EPSTI1: variants seen among roughly 807,000 people sequenced by gnomAD.
EPSTI1 encodes epithelial stromal interaction 1.
In EPSTI1, 66 loss-of-function variants were observed where a neutral mutation model predicts 49.9. That is an observed-to-expected ratio of 1.32 (90% CI 1.08 to 1.62). EPSTI1 has a LOEUF of 1.62. Among genes scored for constraint, EPSTI1 ranks in the 40% most tolerant of loss-of-function variants. EPSTI1 has a pLI of 0.00. For synonymous variants in EPSTI1, 137 were observed against 130.7 expected, an observed-to-expected ratio of 1.05 and a Z score of -0.33; for missense variants, 394 against 365.5, an observed-to-expected ratio of 1.08 and a Z score of -0.64.
At chr13:42,956,650 T>C (rs1358036529) in intron 5 of EPSTI1, among the ~76,000 whole-genome samples, 1 of 152,174 alleles carries the variant, frequency 6.6e-6, no homozygotes, top group Non-Finnish European at 1.5e-5. Flanking sequence ...CCCACAGAAT[T>C]GACCGCCTGG....
chr13:42,985,627 T>C (rs1318534686), intron 1 of EPSTI1, among the ~76,000 whole-genome samples: 1 of 152,170 alleles, frequency 6.6e-6, no homozygotes, highest in Non-Finnish European at 1.5e-5. Context: ...GACACGAATA[T>C]GGGGAGTCTT....
At chr13:42,923,159 C>T (rs980834429) in intron 7 of EPSTI1, among the ~76,000 whole-genome samples, 1 of 152,180 alleles carries the variant, frequency 6.6e-6, no homozygotes, top group African/African-American at 2.4e-5. Flanking sequence ...TGTGCCTAAG[C>T]TAAGACATTT....
intron 10 of EPSTI1, among the ~76,000 whole-genome samples, chr13:42,890,286 T>TTTTC (rs2036991664): frequency 7.4e-6 from 1 of 135,490 alleles, no homozygotes; most frequent in African/African-American, 2.7e-5. Flanking sequence ...TTAAGAATTT[T>TTTTC]TTTTCTTTTC....
chr13:42,899,069 G>A (rs1431214308), intron 9 of EPSTI1, among the ~76,000 whole-genome samples: 12 of 151,760 alleles, frequency 7.9e-5, no homozygotes, highest in East Asian at 3.9e-4. Flanking sequence ...ATGGTGGCAC[G>A]TGCCTGTAAT....
chr13:42,923,295 T>C (rs1326538929), intron 7 of EPSTI1, among the ~76,000 whole-genome samples: 1 of 152,180 alleles, frequency 6.6e-6, no homozygotes, highest in Non-Finnish European at 1.5e-5. Context: ...GTGCGGTGGC[T>C]CACACCTGTA....
At chr13:42,991,956 G>A in intron 1 of EPSTI1, 22 bp downstream of exon 1, 3 of 1,612,484 alleles carry the variant, frequency 1.9e-6, no homozygotes, top group Non-Finnish European at 2.5e-6. Context: ...CCGCCCCGAA[G>A]CCAGGTTGTT....
intron 5 of EPSTI1, among the ~76,000 whole-genome samples, chr13:42,955,744 A>G (rs979347060): frequency 2.0e-5 from 3 of 151,948 alleles, no homozygotes; most frequent in African/African-American, 7.2e-5. Context: ...AGAGGTTGCA[A>G]TGAGTCAAGA....
intron 6 of EPSTI1, among the ~76,000 whole-genome samples, chr13:42,950,161 G>T (rs1594710510): frequency 6.6e-6 from 1 of 152,332 alleles, no homozygotes; most frequent in South Asian, 2.1e-4. Context: ...TATGAAATTG[G>T]AGTCTGTCCC....
At chr13:42,924,336 T>C (rs1594656312) in intron 7 of EPSTI1, among the ~76,000 whole-genome samples, 1 of 152,196 alleles carries the variant, frequency 6.6e-6, no homozygotes, top group Non-Finnish European at 1.5e-5. Context: ...GAGGATCCTA[T>C]GACAAATGCA....
chr13:42,937,060 C>A (rs990573519), intron 6 of EPSTI1, among the ~76,000 whole-genome samples: 25 of 151,948 alleles, frequency 1.6e-4, no homozygotes, highest in East Asian at 7.7e-4. Context: ...CAGACCACTG[C>A]AAAAAAAGCA....
Position 42,917,527 on chromosome 13 carries a change from G to C in EPSTI1, c.741+14C>G, listed in dbSNP as rs2037864433. 1 of 1,605,392 alleles carries C rather than the reference G, an allele frequency of 6.2e-7. No individual in the cohort carries two copies. Among genetic ancestry groups the C allele is most frequent in the Non-Finnish European group, 8.5e-7 (1 of 1,174,360 alleles). On this transcript the variant is annotated intron_variant, in intron 8 of 10. Transcript: ENST00000313624. ...ATAAACAGTTAGCAATAACTAGTAG[G>C]GGCTTGTAAGTACCTTTTGATGTTG... is the stretch of plus-strand genomic sequence containing the variant.
intron 1 of EPSTI1, among the ~76,000 whole-genome samples, chr13:42,976,497 G>A (rs113185979): frequency 2.0e-5 from 3 of 152,252 alleles, no homozygotes; most frequent in African/African-American, 7.2e-5. Context: ...TTCATATTAA[G>A]AATGGCTTAA....
intron 3 of EPSTI1, among the ~76,000 whole-genome samples, chr13:42,965,079 G>A (rs764616168): frequency 7.9e-5 from 12 of 152,144 alleles, no homozygotes; most frequent in Non-Finnish European, 1.6e-4. Context: ...TTGGCCCTTT[G>A]ACTGCTATTG....
At chr13:42,907,755 C>G (rs2037537865) in intron 8 of EPSTI1, among the ~76,000 whole-genome samples, 1 of 152,110 alleles carries the variant, frequency 6.6e-6, no homozygotes, top group Non-Finnish European at 1.5e-5. Flanking sequence ...AAATTTATTA[C>G]TAGAATTTCA....
chr13:42,915,604 G>T, intron 8 of EPSTI1, among the ~76,000 whole-genome samples: 1 of 152,152 alleles, frequency 6.6e-6, no homozygotes, highest in Non-Finnish European at 1.5e-5. Context: ...AGAAGCAAAA[G>T]TAAGGTAGAA....
intron 8 of EPSTI1, among the ~76,000 whole-genome samples, chr13:42,913,292 T>C (rs2037738920): frequency 6.6e-6 from 1 of 152,128 alleles, no homozygotes; most frequent in Non-Finnish European, 1.5e-5. Flanking sequence ...AAACCAGACA[T>C]TTCTTTCCAC....
At chr13:42,926,197 G>A (rs956918693) in intron 7 of EPSTI1, 139 bp downstream of exon 7, 2 of 666,360 alleles carry the variant, frequency 3.0e-6, no homozygotes, top group African/African-American at 3.5e-5. Context: ...CAACAGTTGA[G>A]GTCAAAGTTT....
rs189135786 is a variant in EPSTI1 at position 42,947,979 on chromosome 13, G to C, written c.563+5969C>G. ...GGACAGAGTGGTCACCCCAGGCCCC[G>C]GTCCTGCTGGGTTTCAGGCCAACAG... is the stretch of plus-strand genomic sequence containing the variant. On this transcript the variant is annotated intron_variant, in intron 6 of 10. Coordinates refer to ENST00000313624, the MANE Select transcript of EPSTI1 (RefSeq NM_033255.5). 4.3e-3 allele frequency among the ~76,000 whole-genome samples: 658 copies of C among 152,322 alleles called. 5 individuals are homozygous for C. The highest frequency in any genetic ancestry group is 0.015 in the African/African-American group (605 of 41,580).
chr13:42,911,194 CTT>C (rs144498555), intron 8 of EPSTI1, among the ~76,000 whole-genome samples: 12,610 of 151,906 alleles, frequency 0.083, 664 homozygotes, highest in South Asian at 0.16. Context: ...TAATCTCTGT[CTT>C]TATAAGATTG....
Sources: allele counts gnomAD v4.1 joint callset (sites outside exome capture counted in the v4.1 genomes callset), GRCh38; gene constraint gnomAD v4.1.1; transcripts MANE v1.5; gene names NCBI Gene and HGNC (gene_info 2026-07-23, HGNC 2026-07-21).